Variants in CSMD2 observed in about 807,000 individuals in gnomAD.
CSMD2 encodes CUB and sushi domain-containing protein 2.
Under a neutral mutation model 398.5 loss-of-function variants are expected in CSMD2, and 130 were observed. The observed-to-expected ratio is 0.33, with a 90% CI of 0.28 to 0.38. CSMD2 has a LOEUF of 0.38. CSMD2 is among the 10% of genes least tolerant of loss of function. The pLI, the probability that CSMD2 is intolerant of heterozygous loss-of-function variation, is 1.00. For synonymous variants in CSMD2, 1,828 were observed against 1,908.5 expected, an observed-to-expected ratio of 0.96 and a Z score of 1.10; for missense variants, 3,829 against 4,764.9, an observed-to-expected ratio of 0.80 and a Z score of 5.78.
intron 49 of CSMD2, among the ~76,000 whole-genome samples, chr1:33,577,092 T>C (rs1323033630): frequency 6.6e-6 from 1 of 152,194 alleles, no homozygotes; most frequent in East Asian, 1.9e-4. Flanking sequence ...CCACTTTGCA[T>C]TGATGTGCTC....
intron 29 of CSMD2, among the ~76,000 whole-genome samples, chr1:33,637,661 G>T (rs1323838165): frequency 6.6e-6 from 1 of 152,192 alleles, no homozygotes; most frequent in Non-Finnish European, 1.5e-5. Flanking sequence ...ATACAGCTGA[G>T]GCCAGTCAGT....
At chr1:33,701,781 AAG>A (rs1489380410) in intron 22 of CSMD2, among the ~76,000 whole-genome samples, 52 of 152,360 alleles carry the variant, frequency 3.4e-4, no homozygotes, top group Middle Eastern at 3.4e-3. Flanking sequence ...TACAAGTTCA[AAG>A]AGTTTAGCTT....
chr1:33,725,396 G>C lies in CSMD2; in HGVS notation c.2648C>G (p.Ser883Cys). The C allele has an allele frequency of 6.2e-7, 1 of 1,614,160 alleles. No homozygotes were observed. The highest frequency in any genetic ancestry group is 1.3e-5 in the African/African-American group (1 of 75,058). The change falls in exon 17 of 71, where the codon TCT becomes TGT. Residue 883 changes from serine (S) to cysteine (C), a missense_variant. Physicochemically the swap from Ser to Cys is moderately radical, Grantham distance 112. Around this residue, in one of 5 missense-constraint regions of CSMD2, gnomAD observed 2,001 missense variants for 2,567.1 expected, o/e 0.78. Transcript: ENST00000373381. Reference protein sequence around the residue: ...STSNYLYLLFSTDKSHSDIGF... With the variant: ...STSNYLYLLFCTDKSHSDIGF... Reference sequence around the variant, plus strand: ...GATGTCCGAGTGACTCTTGTCGGTAGAGAAGAGGAGGTAGAGGTAGTTGCT... The same window carrying C: ...GATGTCCGAGTGACTCTTGTCGGTACAGAAGAGGAGGTAGAGGTAGTTGCT...
intron 25 of CSMD2, among the ~76,000 whole-genome samples, chr1:33,688,984 G>GGT (rs903084390): frequency 3.3e-4 from 50 of 151,696 alleles, no homozygotes; most frequent in Non-Finnish European, 3.5e-4. Flanking sequence ...ATTCAAGACA[G>GGT]GTGTGTGTGT....
chr1:33,584,754 G>A lies in CSMD2; in HGVS notation c.7052-924C>T, dbSNP rs187646124. On this transcript the variant is annotated intron_variant, in intron 46 of 70. Coordinates refer to ENST00000373381, the MANE Select transcript of CSMD2 (RefSeq NM_001281956.2). ...ATGCAACATAGTGCTTCAATAAATT[G>A]TAGAGGGAATGATGAAAACTGCATC... Among the ~76,000 whole-genome samples the A allele has an allele frequency of 2.7e-4, 39 of 144,430 alleles. No homozygotes were observed. In the East Asian group the frequency reaches 7.4e-3, roughly 27 times the overall value. 94.8% of individuals were successfully genotyped at this position (144,430 alleles called of 152,430 possible).
chr1:34,058,039 C>T (rs1426553567), intron 2 of CSMD2, among the ~76,000 whole-genome samples: 5 of 152,134 alleles, frequency 3.3e-5, no homozygotes, highest in South Asian at 2.1e-4. Flanking sequence ...GGGCGTGGGA[C>T]GAGGGAAAGC....
In CSMD2 at chr1:33,592,948, C is replaced by CAA. The variant is rs35494833; in HGVS notation, c.6857-5782_6857-5781dup. ...TGGGCAACAGAGCAAGACTCTGTCT[C>CAA]AAAAAAAAAAAAAAAATTATCATGA... On this transcript the variant is annotated intron_variant, in intron 44 of 70. Transcript: ENST00000373381. 3.3e-3 allele frequency among the ~76,000 whole-genome samples: 417 copies of CAA among 126,808 alleles called. 1 individual carries two copies. Among genetic ancestry groups the CAA allele is most frequent in the Admixed American group, 0.013 (164 of 12,728 alleles). 83.2% of individuals were successfully genotyped at this position (126,808 alleles called of 152,430 possible). A position where few individuals can be genotyped will look rare whatever the true frequency, so the allele number is the denominator to read the frequency against.
chr1:33,903,804 G>A (rs1267919503), intron 5 of CSMD2, among the ~76,000 whole-genome samples: 1 of 152,190 alleles, frequency 6.6e-6, no homozygotes, highest in Non-Finnish European at 1.5e-5. Context: ...TAGGCTGCAT[G>A]GACGGGAAAG....
intron 5 of CSMD2, chr1:33,870,082 T>C (rs1184220506): frequency 6.6e-6 from 1 of 152,110 alleles, no homozygotes; most frequent in Admixed American, 6.5e-5. Flanking sequence ...GGGCAAAAAA[T>C]GTCCAATTCC....
chr1:34,002,929 A>T (rs1430973122), intron 3 of CSMD2, among the ~76,000 whole-genome samples: 1 of 152,224 alleles, frequency 6.6e-6, no homozygotes, highest in African/African-American at 2.4e-5. Flanking sequence ...TGAGCCCTGG[A>T]TCTGCAGTGG....
chr1:33,963,496 A>G (rs1645443235), intron 3 of CSMD2, among the ~76,000 whole-genome samples: 2 of 152,240 alleles, frequency 1.3e-5, no homozygotes, highest in Non-Finnish European at 2.9e-5. Flanking sequence ...CACCACAATC[A>G]GGATAATGAA....
chr1:33,931,782 C>T (rs551609741), intron 4 of CSMD2, among the ~76,000 whole-genome samples: 147 of 152,254 alleles, frequency 9.7e-4, no homozygotes, highest in South Asian at 1.5e-3. Flanking sequence ...TGAACTAGAC[C>T]CCGTCAGTGA....
In CSMD2 at chr1:33,518,886, T is replaced by C. The variant is rs934178621; in HGVS notation, c.*53+579A>G. Among the ~76,000 whole-genome samples, 2 of 152,218 alleles carry C rather than the reference T, an allele frequency of 1.3e-5. No individual in the cohort carries two copies. Among genetic ancestry groups the C allele is most frequent in the African/African-American group, 4.8e-5 (2 of 41,446 alleles). On this transcript the variant is annotated intron_variant, in intron 70 of 70. Coordinates refer to ENST00000373381, the MANE Select transcript of CSMD2 (RefSeq NM_001281956.2). The surrounding 1 kb of genome is among the most constrained non-coding windows in gnomAD (Gnocchi z 4.3). ...ATAGCTCTACGGAGATGCGTATCTA[T>C]ATATAGATGGATAGGTATGGATATA...
At chr1:33,714,458 G>A (rs1384267555) in intron 21 of CSMD2, 129 bp downstream of exon 21, 1 of 1,092,022 alleles carries the variant, frequency 9.2e-7, no homozygotes, top group Non-Finnish European at 1.3e-6. Flanking sequence ...GGGTCCCACT[G>A]CAGGTAAGTG....
In CSMD2 at chr1:33,546,058, C is replaced by T. The variant is rs780884054; in HGVS notation, c.9079G>A (p.Gly3027Ser). The change falls in exon 57 of 71, where the codon GGC becomes AGC. Residue 3027 changes from glycine to serine, a missense_variant. Around this residue, in one of 5 missense-constraint regions of CSMD2, gnomAD observed 917 missense variants for 1,199.5 expected, o/e 0.76. Coordinates refer to ENST00000373381, the MANE Select transcript of CSMD2 (RefSeq NM_001281956.2). ...RTCQANGSWS[G>S]SQPECGVISC... ...TTACCTCCACACTCAGGCTGCGAGCCGCTCCACGAGCCATTGGCTTGACAG... is the reference window on the plus strand; with the variant it reads ...TTACCTCCACACTCAGGCTGCGAGCTGCTCCACGAGCCATTGGCTTGACAG... 20 of 1,613,402 alleles carry T rather than the reference C, an allele frequency of 1.2e-5. No individual in the cohort carries two copies. Among genetic ancestry groups the T allele is most frequent in the South Asian group, 3.3e-5 (3 of 91,062 alleles).
intron 20 of CSMD2, among the ~76,000 whole-genome samples, chr1:33,715,098 C>T (rs1571319568): frequency 6.6e-6 from 1 of 152,156 alleles, no homozygotes; most frequent in East Asian, 1.9e-4. Context: ...AGACAGGCTT[C>T]CCAGGAGGAT....
At position 34,076,926 on chromosome 1, in the gene CSMD2, A is replaced by T. The variant is rs868396257; in HGVS notation, c.404+12051T>A. Among the ~76,000 whole-genome samples, 264 of 97,100 alleles carry T rather than the reference A, an allele frequency of 2.7e-3. 2 individuals are homozygous for T. Among genetic ancestry groups the T allele is most frequent in the East Asian group, 0.019 (76 of 4,032 alleles). The allele number at this position is 97,100 out of a possible 152,430, so 63.7% of individuals were successfully genotyped here. ...CAGCAAAGCAAAAAAAAAAAAAAAA[A>T]AAATATATATATATATATATATATA... On this transcript the variant is annotated intron_variant, in intron 2 of 70. Coordinates refer to ENST00000373381, the MANE Select transcript of CSMD2 (RefSeq NM_001281956.2).
chr1:33,575,981 C>CT (rs1319073378), intron 49 of CSMD2, among the ~76,000 whole-genome samples: 1 of 152,114 alleles, frequency 6.6e-6, no homozygotes, highest in Non-Finnish European at 1.5e-5. Flanking sequence ...ATGTTTTCTT[C>CT]TTTTTTTAAA....
chr1:34,020,092 C>A (rs3131528), intron 3 of CSMD2, among the ~76,000 whole-genome samples: 149,446 of 152,276 alleles, frequency 0.98, 73,414 homozygotes, highest in Middle Eastern at 1. Context: ...TCAGGAGGTG[C>A]TAGGGAGTGA....
Sources: gnomAD v4.1 joint callset for allele counts (sites outside exome capture counted in the v4.1 genomes callset) on GRCh38, gnomAD v4.1.1 for gene constraint, gnomAD v4.1.1 regional missense constraint, Gnocchi (gnomAD v3.1) non-coding constraint, MANE v1.5 for transcripts, NCBI Gene and HGNC (gene_info 2026-07-23, HGNC 2026-07-21) for gene names.